Variants in ZNF804B observed in about 807,000 individuals in gnomAD.
ZNF804B encodes the protein zinc finger protein 804B.
A neutral mutation model predicts 101.4 loss-of-function variants in ZNF804B; 80 were observed. The ratio of observed to expected loss-of-function variants is 0.79; its 90% CI spans 0.66 to 0.95. The LOEUF (loss-of-function observed/expected upper bound fraction) is 0.95. Among genes scored for constraint, ZNF804B ranks in the 40% least tolerant of loss-of-function variants. ZNF804B has a pLI of 0.00. For synonymous variants in ZNF804B, 622 were observed against 558.8 expected (o/e 1.11, Z -1.59); for missense variants, 1,673 against 1,561.9 (o/e 1.07, Z -1.20).
chr7:88,932,953 A>G (rs1190937571), intron 1 of ZNF804B, among the ~76,000 whole-genome samples: 1 of 151,910 alleles, frequency 6.6e-6, no homozygotes, highest in African/African-American at 2.4e-5. Context: ...ATATGAATCT[A>G]GTATCACCCT....
intron 1 of ZNF804B, among the ~76,000 whole-genome samples, chr7:89,210,145 C>CAAA (rs35071660): frequency 1.0e-3 from 133 of 129,040 alleles, no homozygotes; most frequent in African/African-American, 3.5e-3. Flanking sequence ...GACTTCATAT[C>CAAA]AAAAAAAAAA....
intron 1 of ZNF804B, among the ~76,000 whole-genome samples, chr7:88,935,037 G>A (rs536198382): frequency 6.6e-6 from 1 of 151,296 alleles, no homozygotes; most frequent in Non-Finnish European, 1.5e-5. Context: ...ATGTGTGTGT[G>A]TGTATATATA....
intron 2 of ZNF804B, among the ~76,000 whole-genome samples, chr7:89,279,396 G>A (rs1276741349): frequency 1.3e-5 from 2 of 150,716 alleles, no homozygotes; most frequent in African/African-American, 4.9e-5. Flanking sequence ...ATGTTGAATA[G>A]GAGTGGTGAG....
chr7:89,205,563 G>A (rs900364586), intron 1 of ZNF804B, among the ~76,000 whole-genome samples: 15 of 152,268 alleles, frequency 9.9e-5, no homozygotes, highest in African/African-American at 3.6e-4. Context: ...AATCCAGTGG[G>A]GCTGTCAAAT....
chr7:89,030,946 T>G (rs1788822417), intron 1 of ZNF804B, among the ~76,000 whole-genome samples: 1 of 152,046 alleles, frequency 6.6e-6, no homozygotes, highest in South Asian at 2.1e-4. Context: ...TGGAATGCCC[T>G]TCCTTTGGCC....
intron 1 of ZNF804B, among the ~76,000 whole-genome samples, chr7:88,833,453 A>G (rs1247986103): frequency 6.6e-6 from 1 of 151,946 alleles, no homozygotes; most frequent in Non-Finnish European, 1.5e-5. Flanking sequence ...GATTACATGT[A>G]TCTGACATGT....
intron 1 of ZNF804B, among the ~76,000 whole-genome samples, chr7:88,788,971 C>T (rs1247403644): frequency 6.6e-6 from 1 of 152,074 alleles, no homozygotes; most frequent in Non-Finnish European, 1.5e-5. Context: ...AAATTTATAT[C>T]TACTTATGCT....
intron 1 of ZNF804B, among the ~76,000 whole-genome samples, chr7:88,862,902 G>GT (rs1278279818): frequency 6.6e-6 from 1 of 152,068 alleles, no homozygotes; most frequent in Non-Finnish European, 1.5e-5. Flanking sequence ...TTTCACACCT[G>GT]TATCAATGCA....
chr7:89,248,730 T>C (rs1789489284), intron 2 of ZNF804B, among the ~76,000 whole-genome samples: 1 of 151,962 alleles, frequency 6.6e-6, no homozygotes, highest in African/African-American at 2.4e-5. Flanking sequence ...AAACACACAA[T>C]TGAAACTACA....
chr7:89,188,214 T>G (rs1051066170), intron 1 of ZNF804B, among the ~76,000 whole-genome samples: 1 of 152,144 alleles, frequency 6.6e-6, no homozygotes, highest in African/African-American at 2.4e-5. Flanking sequence ...ACCCTTTCAT[T>G]ATTATTCTAT....
chr7:89,041,598 C>T (rs1011277911), intron 1 of ZNF804B, among the ~76,000 whole-genome samples: 3 of 152,162 alleles, frequency 2.0e-5, no homozygotes, highest in Non-Finnish European at 4.4e-5. Flanking sequence ...TCTGAGACCA[C>T]GGGGCCTTGC....
chr7:88,994,707 TCA>T lies in ZNF804B; in HGVS notation c.109-223447_109-223446del, dbSNP rs1332959299. Reference sequence around the variant, plus strand: ...TAGAGATTTTCCCTACTTTGTTGGTTCATCATAGATTTGATGCTACAGTTTCT... The same window carrying T: ...TAGAGATTTTCCCTACTTTGTTGGTTTCATAGATTTGATGCTACAGTTTCT... On this transcript the variant is annotated intron_variant, in intron 1 of 3. Coordinates refer to ENST00000333190, the MANE Select transcript of ZNF804B (RefSeq NM_181646.5). Among the ~76,000 whole-genome samples the T allele has an allele frequency of 2.6e-5, 4 of 152,100 alleles. 1 individual carries two copies. The highest frequency in any genetic ancestry group is 2.6e-4 in the Admixed American group (4 of 15,228).
intron 1 of ZNF804B, among the ~76,000 whole-genome samples, chr7:88,938,936 A>G (rs971036709): frequency 2.6e-5 from 4 of 152,098 alleles, no homozygotes; most frequent in African/African-American, 9.6e-5. Flanking sequence ...AAAAAAATAG[A>G]CAAAAATTTT....
chr7:88,783,816 C>G (rs181880429), intron 1 of ZNF804B, among the ~76,000 whole-genome samples: 1 of 152,182 alleles, frequency 6.6e-6, no homozygotes. Flanking sequence ...GAAATGGGAA[C>G]AGAGAAGTTG....
chr7:89,285,766 C>T (rs979044276), intron 2 of ZNF804B, among the ~76,000 whole-genome samples: 3 of 152,000 alleles, frequency 2.0e-5, no homozygotes, highest in African/African-American at 7.2e-5. Flanking sequence ...GGTTTGTAAT[C>T]AGGACTTCCC....
At chr7:88,938,366 T>A (rs981999952) in intron 1 of ZNF804B, among the ~76,000 whole-genome samples, 3 of 152,096 alleles carry the variant, frequency 2.0e-5, no homozygotes, top group Admixed American at 6.6e-5. Context: ...AAGATCTAGC[T>A]ATGTTAATAG....
At chr7:89,285,663 G>A (rs937214773) in intron 2 of ZNF804B, among the ~76,000 whole-genome samples, 8 of 149,218 alleles carry the variant, frequency 5.4e-5, no homozygotes, top group Admixed American at 1.3e-4. Flanking sequence ...GAAAAAAAAA[G>A]CCACAAAGGA....
At chr7:89,190,605 G>A (rs546321149) in intron 1 of ZNF804B, among the ~76,000 whole-genome samples, 205 of 152,230 alleles carry the variant, frequency 1.3e-3, no homozygotes, top group African/African-American at 4.6e-3. Context: ...CTCCAAATTC[G>A]AAAGAAGTTC....
intron 1 of ZNF804B, among the ~76,000 whole-genome samples, chr7:89,060,657 A>G (rs1415605655): frequency 6.6e-6 from 1 of 152,150 alleles, no homozygotes; most frequent in Non-Finnish European, 1.5e-5. Flanking sequence ...CATAATGCCA[A>G]TTTGATGTGC....
Sources: allele counts gnomAD v4.1 joint callset (sites outside exome capture counted in the v4.1 genomes callset), GRCh38; gene constraint gnomAD v4.1.1; transcripts MANE v1.5; gene names NCBI Gene and HGNC (gene_info 2026-07-23, HGNC 2026-07-21).